The following ITGA6 variants were observed in gnomAD, a reference collection of about 807,000 sequenced individuals.
The protein encoded by ITGA6 is integrin subunit alpha 6, also known as integrin alpha-6.
In ITGA6, 63 loss-of-function variants were observed where a neutral mutation model predicts 133.6. That is an observed-to-expected ratio of 0.47 (90% CI 0.38 to 0.58). The LOEUF is 0.58. Among genes scored for constraint, ITGA6 ranks in the 20% least tolerant of loss-of-function variants. ITGA6 has a pLI of 0.00. For missense variants in ITGA6, 1,068 were observed against 1,309.4 expected (o/e 0.82, Z 2.85); for synonymous variants, 434 against 482.0 (o/e 0.90, Z 1.30).
At chr2:172,501,067 C>T (rs1478603876) in intron 24 of ITGA6, among the ~76,000 whole-genome samples, 2 of 152,162 alleles carry the variant, frequency 1.3e-5, no homozygotes, top group Non-Finnish European at 2.9e-5. Context: ...GAAAAGTTCT[C>T]TATCACTGAA....
At chr2:172,442,928 T>C (rs955686898) in intron 1 of ITGA6, among the ~76,000 whole-genome samples, 1 of 152,178 alleles carries the variant, frequency 6.6e-6, no homozygotes, top group Non-Finnish European at 1.5e-5. Context: ...AGATTTTCAG[T>C]GACCCTCGTG....
intron 1 of ITGA6, among the ~76,000 whole-genome samples, chr2:172,461,848 C>A (rs1294953424): frequency 1.3e-5 from 2 of 152,198 alleles, no homozygotes; most frequent in East Asian, 3.9e-4. Flanking sequence ...CCAACCATGT[C>A]CTGAACAGCT....
intron 1 of ITGA6, among the ~76,000 whole-genome samples, chr2:172,437,857 G>A (rs960293712): frequency 1.3e-5 from 2 of 148,818 alleles, no homozygotes; most frequent in African/African-American, 4.8e-5. Context: ...GGAGTGTGTG[G>A]TCCTGGAAAC....
intron 1 of ITGA6, among the ~76,000 whole-genome samples, chr2:172,429,023 C>G (rs1430854572): frequency 2.6e-5 from 4 of 152,178 alleles, no homozygotes; most frequent in Non-Finnish European, 1.5e-5. Flanking sequence ...CCTTCCAGGA[C>G]CAACAGACCG....
intron 1 of ITGA6, among the ~76,000 whole-genome samples, chr2:172,440,014 A>C (rs976259939): frequency 1.1e-4 from 16 of 152,170 alleles, no homozygotes. Context: ...GGGCACTCCA[A>C]ATGACCATAG....
In ITGA6 at chr2:172,432,084, G is replaced by A. The variant is rs3115746; in HGVS notation, c.182+4114G>A. ...TCAACATATTACTGTGGACAGTGAGGCCAGTGAATTATTTGGTATTTTCAA... is the reference window on the plus strand; with the variant it reads ...TCAACATATTACTGTGGACAGTGAGACCAGTGAATTATTTGGTATTTTCAA... On this transcript the variant is annotated intron_variant, in intron 1 of 25. Coordinates refer to ENST00000684293, the MANE Select transcript of ITGA6 (RefSeq NM_000210.4). Among the ~76,000 whole-genome samples, 370 of 152,298 alleles carry A rather than the reference G, an allele frequency of 2.4e-3. 2 individuals are homozygous for A. Among genetic ancestry groups the A allele is most frequent in the Non-Finnish European group, 4.2e-3 (286 of 68,016 alleles).
Position 172,428,118 on chromosome 2 carries a change from C to T in ITGA6, c.182+148C>T, listed in dbSNP as rs1683939574. On this transcript the variant is annotated intron_variant, in intron 1 of 25. Transcript: ENST00000684293. ...GCCGAGGCGCACCCAGCGCCCAGCG[C>T]GCTCGGCTCCCCGCCCTGACCCGCC... 6.1e-6 allele frequency: 4 copies of T among 655,142 alleles called. No homozygotes were observed. In the South Asian group the frequency reaches 2.4e-4, roughly 40 times the overall value. The allele number at this position is 655,142 out of a possible 1,614,324, so 40.6% of individuals were successfully genotyped here.
At chr2:172,496,535 G>A (rs569186201) in intron 23 of ITGA6, among the ~76,000 whole-genome samples, 2 of 152,160 alleles carry the variant, frequency 1.3e-5, no homozygotes, top group Non-Finnish European at 2.9e-5. Flanking sequence ...AAACACCACC[G>A]CATAGAAGTA....
chr2:172,459,735 T>C (rs1685355311), intron 1 of ITGA6, among the ~76,000 whole-genome samples: 1 of 152,164 alleles, frequency 6.6e-6, no homozygotes, highest in East Asian at 1.9e-4. Context: ...TTTAAGAAAG[T>C]AATTCAAACA....
At chr2:172,453,654 C>A (rs1026329052) in intron 1 of ITGA6, among the ~76,000 whole-genome samples, 3 of 152,184 alleles carry the variant, frequency 2.0e-5, no homozygotes, top group Non-Finnish European at 4.4e-5. Context: ...TCTGGATAAT[C>A]CAAGATACTT....
chr2:172,492,266 G>A (rs1452788000), intron 23 of ITGA6, among the ~76,000 whole-genome samples: 2 of 152,188 alleles, frequency 1.3e-5, no homozygotes, highest in Non-Finnish European at 2.9e-5. Flanking sequence ...CCATTGCTGA[G>A]CAGCATGTTT....
intron 1 of ITGA6, among the ~76,000 whole-genome samples, chr2:172,459,058 G>C (rs1685324168): frequency 6.6e-6 from 1 of 152,124 alleles, no homozygotes; most frequent in South Asian, 2.1e-4. Context: ...CTAGTTAACA[G>C]AGGTTTCAGA....
In ITGA6 at chr2:172,468,738, C is replaced by T. The variant is rs113025717; in HGVS notation, c.388-387C>T. Among the ~76,000 whole-genome samples, 706 of 152,272 alleles carry T rather than the reference C, an allele frequency of 4.6e-3. 8 individuals are homozygous for T. Among genetic ancestry groups the T allele is most frequent in the African/African-American group, 0.016 (655 of 41,536 alleles). ...TTCTCTCCTCTAGAACATAATTACCCACTTTCACACTGATGTTCTGAAGGT... is the reference window on the plus strand; with the variant it reads ...TTCTCTCCTCTAGAACATAATTACCTACTTTCACACTGATGTTCTGAAGGT... On this transcript the variant is annotated intron_variant, in intron 3 of 25. Transcript: ENST00000684293.
chr2:172,470,357 C>G (rs1054062166), intron 4 of ITGA6, among the ~76,000 whole-genome samples: 1 of 151,972 alleles, frequency 6.6e-6, no homozygotes, highest in African/African-American at 2.4e-5. Context: ...TGAATAAATG[C>G]TTTATATAGT....
At position 172,489,527 on chromosome 2, in the gene ITGA6, A is replaced by G; in HGVS notation, c.2548A>G (p.Thr850Ala). ...GKPLTNLGTA[T>A]LNIQWPKEIS... ...ACCTCTTACAAACCTCGGCACAGCA[A>G]CCTTGAACATTCAGTGGCCAAAAGA... Residue 850 changes from threonine to alanine, a missense_variant, in exon 20 of 26, where the codon ACC (threonine) becomes GCC (alanine). Thr to Ala is a moderately conservative substitution (Grantham distance 58). Around this residue, in one of 3 missense-constraint regions of ITGA6, gnomAD observed 609 missense variants for 707.2 expected, o/e 0.86. Coordinates refer to ENST00000684293, the MANE Select transcript of ITGA6 (RefSeq NM_000210.4). 6.2e-7 allele frequency: 1 copy of G among 1,614,078 alleles called. No individual in the cohort carries two copies. The highest frequency in any genetic ancestry group is 8.5e-7 in the Non-Finnish European group (1 of 1,179,904).
At chr2:172,501,717 T>C in intron 24 of ITGA6, 55 bp from the exon 25 acceptor site, 1 of 1,581,822 alleles carries the variant, frequency 6.3e-7, no homozygotes, top group Admixed American at 1.7e-5. Context: ...TGTTCTGTTG[T>C]TTGGCTCTTA....
At position 172,506,024 on chromosome 2, in the gene ITGA6, G is replaced by A. The variant is rs903562278; in HGVS notation, c.*1956G>A. On this transcript the variant is annotated 3_prime_UTR_variant, in exon 26 of 26. Transcript: ENST00000684293. ...GGTGGTTCAACAAAGAAACAAAGAT[G>A]TTATGGTGTTTAGATTTATGGTTGT... 1 of 152,528 alleles carries A rather than the reference G, an allele frequency of 6.6e-6. No homozygotes were observed. The highest frequency in any genetic ancestry group is 2.4e-5 in the African/African-American group (1 of 41,424). 9.4% of individuals were successfully genotyped at this position (152,528 alleles called of 1,614,324 possible).
At chr2:172,445,727 C>G (rs549894625) in intron 1 of ITGA6, among the ~76,000 whole-genome samples, 1 of 151,894 alleles carries the variant, frequency 6.6e-6, no homozygotes, top group African/African-American at 2.4e-5. Context: ...TTTGTCTTCC[C>G]GGCCTCTAAA....
chr2:172,450,834 AATAT>A (rs141518780), intron 1 of ITGA6, among the ~76,000 whole-genome samples: 1,984 of 144,766 alleles, frequency 0.014, 34 homozygotes, highest in African/African-American at 0.048. Context: ...ATATATATAA[AATAT>A]ATATATAATT....
Sources: allele counts gnomAD v4.1 joint callset (sites outside exome capture counted in the v4.1 genomes callset), GRCh38; gene constraint gnomAD v4.1.1; regional missense constraint gnomAD v4.1.1; transcripts MANE v1.5; gene names NCBI Gene and HGNC (gene_info 2026-07-23, HGNC 2026-07-21).